Variants in FGFR3 observed in about 807,000 individuals in gnomAD.
FGFR3 encodes the protein FGFR-3.
In FGFR3, 25 loss-of-function variants were observed where a neutral mutation model predicts 82.9. The ratio of observed to expected loss-of-function variants is 0.30; its 90% confidence interval spans 0.22 to 0.42. The LOEUF is 0.42. FGFR3 is among the 10% of genes least tolerant of loss of function. FGFR3 has a pLI of 1.00. For synonymous variants in FGFR3, 620 were observed against 516.0 expected (o/e 1.20, Z -2.73); for missense variants, 1,026 against 1,161.0 (o/e 0.88, Z 1.69).
chr4:1,803,126 GC>G, intron 7 of FGFR3: 1 of 1,438,120 alleles, frequency 7.0e-7, no homozygotes, highest in Non-Finnish European at 9.1e-7. Context: ...CTGGCCGCGC[GC>G]CCTGCACGCC....
Position 1,805,349 on chromosome 4 carries a change from T to C in FGFR3, c.1413-6T>C. 8 of 1,611,354 alleles carry C rather than the reference T, an allele frequency of 5.0e-6. No individual in the cohort carries two copies. The highest frequency in any genetic ancestry group is 6.8e-6 in the Non-Finnish European group (8 of 1,179,878). ...ACACTCATGGTCCCTCTGCCTCCAC[T>C]GCCAGGCTGACCCTGGGCAAGCCCC... On this transcript the variant is annotated splice_polypyrimidine_tract_variant and splice_region_variant and intron_variant, in intron 10 of 17. Coordinates refer to ENST00000440486, the MANE Select transcript of FGFR3 (RefSeq NM_000142.5).
chr4:1,800,533 A>C (rs991187501), intron 4 of FGFR3, among the ~76,000 whole-genome samples: 15 of 151,688 alleles, frequency 9.9e-5, no homozygotes, highest in African/African-American at 3.6e-4. Context: ...TCCATGAGAG[A>C]AACAGCTGGG....
Position 1,808,111 on chromosome 4 carries a change from GCTATTTATGGGCCCCTGGCA to G in FGFR3, c.*852_*871del. Reference sequence around the variant, plus strand: ...AAAACTGGACCTGTATATTTGTAAAGCTATTTATGGGCCCCTGGCACTCTTGTTCCCACACCCCAACACTT... The same window carrying G: ...AAAACTGGACCTGTATATTTGTAAAGCTCTTGTTCCCACACCCCAACACTT... On this transcript the variant is annotated 3_prime_UTR_variant, in exon 18 of 18. Coordinates refer to ENST00000440486, the MANE Select transcript of FGFR3 (RefSeq NM_000142.5). The G allele has an allele frequency of 4.3e-6, 1 of 232,878 alleles. No individual in the cohort carries two copies. The highest frequency in any genetic ancestry group is 8.5e-6 in the Non-Finnish European group (1 of 117,850). The allele number at this position is 232,878 out of a possible 1,614,324, so 14.4% of individuals were successfully genotyped here. A position where few individuals can be genotyped will look rare whatever the true frequency, so the allele number is the denominator to read the frequency against.
intron 2 of FGFR3, among the ~76,000 whole-genome samples, chr4:1,798,398 G>A (rs1165582130): frequency 6.6e-6 from 1 of 151,924 alleles, no homozygotes; most frequent in Admixed American, 6.5e-5. Flanking sequence ...CCACTCCCCG[G>A]CCTGTGAGAC....
Position 1,807,894 on chromosome 4 carries a change from TATATATAC to T in FGFR3, c.*640_*647del, listed in dbSNP as rs938121437. On this transcript the variant is annotated 3_prime_UTR_variant, in exon 18 of 18. Transcript: ENST00000440486. The stretch of plus-strand genomic sequence containing the variant: ...CTATAAATAGATGCTGTGTATATGG[TATATATAC>T]ATATATATATATAACATATATGGAA... The T allele has an allele frequency of 5.8e-6, 2 of 345,070 alleles. No individual in the cohort carries two copies. Among genetic ancestry groups the T allele is most frequent in the African/African-American group, 4.2e-5 (2 of 47,816 alleles). The allele number at this position is 345,070 out of a possible 1,614,324, so 21.4% of individuals were successfully genotyped here. A position where few individuals can be genotyped will look rare whatever the true frequency, so the allele number is the denominator to read the frequency against.
rs772301946 is a variant in FGFR3, at chr4:1,804,462, A to G, written c.1208A>G (p.Lys403Arg). 20 of 1,612,950 alleles carry G rather than the reference A, an allele frequency of 1.2e-5. No individual in the cohort carries two copies. The highest frequency in any genetic ancestry group is 1.6e-4 in the Middle Eastern group (1 of 6,078). ...VTLCRLRSPP[K>R]KGLGSPTVHK... Reference sequence around the variant, plus strand: ...CTCTGCCGCCTGCGCAGCCCCCCCAAGAAAGGCCTGGGCTCCCCCACCGTG... The same window carrying G: ...CTCTGCCGCCTGCGCAGCCCCCCCAGGAAAGGCCTGGGCTCCCCCACCGTG... Residue 403 changes from lysine to arginine, a missense_variant, in exon 9 of 18, where the codon AAG (lysine) becomes AGG (arginine). Physicochemically the swap from Lys to Arg is conservative, Grantham distance 26 (BLOSUM62 2). Transcript: ENST00000440486.
chr4:1,804,915 A>T lies in FGFR3; in HGVS notation c.1358A>T (p.Asn453Ile), dbSNP rs1466726466. Residue 453 changes from asparagine to isoleucine, a missense_variant, in exon 10 of 18, where the codon AAT becomes ATT. By Grantham distance (149) the Asn-to-Ile change is moderately radical. Around this residue, in one of 9 missense-constraint regions of FGFR3, gnomAD observed 256 missense variants for 217.6 expected, o/e 1.18. Transcript: ENST00000440486. The part of the protein sequence containing the change: ...LSSGEGPTLA[N>I]VSELELPADP... ...TCAGGGGAGGGCCCCACGCTGGCCA[A>T]TGTCTCCGAGCTCGAGCTGCCTGCC... is the stretch of plus-strand genomic sequence containing the variant. 1.9e-6 allele frequency: 3 copies of T among 1,550,106 alleles called. No homozygotes were observed. Among genetic ancestry groups the T allele is most frequent in the South Asian group, 1.2e-5 (1 of 84,032 alleles).
At chr4:1,796,092 C>T (rs1162996461) in intron 2 of FGFR3, among the ~76,000 whole-genome samples, 4 of 152,134 alleles carry the variant, frequency 2.6e-5, no homozygotes, top group Non-Finnish European at 5.9e-5. Flanking sequence ...TCTAAAGTCA[C>T]CTCATCTAGG....
At position 1,804,484 on chromosome 4, in the gene FGFR3, C is replaced by T. The variant is rs1486348264; in HGVS notation, c.1230C>T (p.Thr410=). The change falls in exon 9 of 18, where the codon ACC becomes ACT. Residue 410 remains threonine, a synonymous_variant. Coordinates refer to ENST00000440486, the MANE Select transcript of FGFR3 (RefSeq NM_000142.5). ...SPPKKGLGSP[T]VHKISRFPLK... ...CCAAGAAAGGCCTGGGCTCCCCCAC[C>T]GTGCACAAGATCTCCCGCTTCCCGC... 3.1e-6 allele frequency: 5 copies of T among 1,613,028 alleles called. No homozygotes were observed. Among genetic ancestry groups the T allele is most frequent in the East Asian group, 2.2e-5 (1 of 44,894 alleles).
Position 1,805,744 on chromosome 4 carries a change from C to T in FGFR3, c.1646-6C>T. On this transcript the variant is annotated splice_region_variant and splice_polypyrimidine_tract_variant and intron_variant, in intron 12 of 17. Coordinates refer to ENST00000440486, the MANE Select transcript of FGFR3 (RefSeq NM_000142.5). ...GGCAGCCCGTCTGAGGAGCCCGTGT[C>T]CCCAGGGCCCCTGTACGTGCTGGTG... is the stretch of plus-strand genomic sequence containing the variant. The T allele has an allele frequency of 6.2e-7, 1 of 1,612,394 alleles. No homozygotes were observed.
Position 1,806,823 on chromosome 4 carries a change from C to CTGAG in FGFR3, c.2169-6_2169-5insTGAG. ...CGGGGCTCACTCCTGAGCGCCCTGC[C>CTGAG]CGCAGGTACATGATCATGCGGGAGT... On this transcript the variant is annotated splice_polypyrimidine_tract_variant and splice_region_variant and intron_variant, in intron 16 of 17. Coordinates refer to ENST00000440486, the MANE Select transcript of FGFR3 (RefSeq NM_000142.5). The CTGAG allele has an allele frequency of 2.5e-6, 4 of 1,601,028 alleles. No homozygotes were observed. Among genetic ancestry groups the CTGAG allele is most frequent in the Non-Finnish European group, 3.4e-6 (4 of 1,174,670 alleles).
In FGFR3 at chr4:1,801,360, C is replaced by T. The variant is rs767835997; in HGVS notation, c.446-7C>T. 106 of 1,551,450 alleles carry T rather than the reference C, an allele frequency of 6.8e-5. No individual in the cohort carries two copies. Among genetic ancestry groups the T allele is most frequent in the Non-Finnish European group, 9.0e-5 (104 of 1,150,042 alleles). ...GTCATGGCCTTCACACGCACCTCGG[C>T]CCGCAGGGGCCCCTTACTGGACACG... On this transcript the variant is annotated splice_region_variant and splice_polypyrimidine_tract_variant and intron_variant, in intron 4 of 17. Transcript: ENST00000440486.
intron 2 of FGFR3, among the ~76,000 whole-genome samples, chr4:1,795,781 C>A (rs888439619): frequency 6.6e-6 from 1 of 152,174 alleles, no homozygotes; most frequent in African/African-American, 2.4e-5. Context: ...TCCCACAGTC[C>A]CACCCCACCC....
intron 2 of FGFR3, among the ~76,000 whole-genome samples, chr4:1,797,717 C>T (rs750029683): frequency 3.3e-5 from 5 of 152,192 alleles, no homozygotes; most frequent in Non-Finnish European, 7.4e-5. Flanking sequence ...AGGAGCCCCC[C>T]TGACTGCGGG....
intron 7 of FGFR3, chr4:1,803,002 C>T: frequency 1.2e-6 from 2 of 1,601,104 alleles, no homozygotes; most frequent in Non-Finnish European, 1.7e-6. Context: ...CTCTGTCGAG[C>T]CACCAATTTC....
In FGFR3 at chr4:1,804,740, C is replaced by G. The variant is rs556410126; in HGVS notation, c.1267-84C>G. ...GCTGGTGGAAGTCAGAACGCCCCCC[C>G]TTCTGGCCCAGCACTGACCCCCGGC... On this transcript the variant is annotated intron_variant, in intron 9 of 17. Transcript: ENST00000440486. The G allele has an allele frequency of 1.8e-5, 27 of 1,521,248 alleles. No homozygotes were observed. In the South Asian group the frequency reaches 2.5e-4, roughly 14 times the overall value. 94.2% of individuals were successfully genotyped at this position (1,521,248 alleles called of 1,614,324 possible). A position where few individuals can be genotyped will look rare whatever the true frequency, so the allele number is the denominator to read the frequency against.
rs779554720 is a variant in FGFR3, at chr4:1,804,460, C to T, written c.1206C>T (p.Pro402=). The T allele has an allele frequency of 6.2e-7, 1 of 1,613,116 alleles. No individual in the cohort carries two copies. Among genetic ancestry groups the T allele is most frequent in the Non-Finnish European group, 8.5e-7 (1 of 1,179,832 alleles). The change falls in exon 9 of 18, where the codon CCC becomes CCT. Residue 402 remains proline, a synonymous_variant. Coordinates refer to ENST00000440486, the MANE Select transcript of FGFR3 (RefSeq NM_000142.5). ...AVTLCRLRSP[P]KKGLGSPTVH... ...CGCTCTGCCGCCTGCGCAGCCCCCC[C>T]AAGAAAGGCCTGGGCTCCCCCACCG...
At chr4:1,804,560 G>T (rs749371243) in intron 9 of FGFR3, 40 bp downstream of exon 9, 2 of 1,606,350 alleles carry the variant, frequency 1.2e-6, no homozygotes, top group South Asian at 1.1e-5. Flanking sequence ...CTGCCTGCCC[G>T]CCAGGCCTCC....
chr4:1,799,126 G>A (rs1181906783), intron 2 of FGFR3, 128 bp from the exon 3 acceptor site: 2 of 1,321,936 alleles, frequency 1.5e-6, no homozygotes, highest in Non-Finnish European at 2.2e-6. Flanking sequence ...CCAGCCCCTG[G>A]TCTGGTGGGA....
Sources: gnomAD v4.1 joint callset for allele counts (sites outside exome capture counted in the v4.1 genomes callset) on GRCh38, gnomAD v4.1.1 for gene constraint, gnomAD v4.1.1 regional missense constraint, MANE v1.5 for transcripts, NCBI Gene and HGNC (gene_info 2026-07-23, HGNC 2026-07-21) for gene names.